The following SVIL variants were observed in gnomAD, a reference collection of about 807,000 sequenced individuals.
SVIL encodes the protein supervillin.
In SVIL, 101 loss-of-function variants were observed where a neutral mutation model predicts 240.4. That is an observed-to-expected ratio of 0.42 (90% CI 0.36 to 0.50). The LOEUF (loss-of-function observed/expected upper bound fraction) is 0.50. Among genes scored for constraint, SVIL ranks in the 20% least tolerant of loss-of-function variants. The probability of loss-of-function intolerance (pLI) is 0.01; values close to 1 mark genes in which losing one functional copy is unlikely to be tolerated. For missense variants in SVIL, 2,512 were observed against 2,818.7 expected, an observed-to-expected ratio of 0.89 and a Z score of 2.46; for synonymous variants, 999 against 1,100.0, an observed-to-expected ratio of 0.91 and a Z score of 1.82.
chr10:29,502,807 G>A (rs892085666), intron 17 of SVIL, among the ~76,000 whole-genome samples: 11 of 152,118 alleles, frequency 7.2e-5, no homozygotes, highest in African/African-American at 2.7e-4. Flanking sequence ...AAATCAGCAC[G>A]AATACTTTTA....
chr10:29,588,093 T>C (rs1207474237), intron 1 of SVIL, among the ~76,000 whole-genome samples: 1 of 151,808 alleles, frequency 6.6e-6, no homozygotes, highest in Non-Finnish European at 1.5e-5. Context: ...GGCCCCTTTG[T>C]CATTCAGAAG....
intron 3 of SVIL, among the ~76,000 whole-genome samples, chr10:29,647,718 G>A (rs919752691): frequency 6.6e-5 from 10 of 151,952 alleles, no homozygotes; most frequent in African/African-American, 2.4e-4. Flanking sequence ...GTCTTCCACA[G>A]CTTCTATTTC....
At chr10:29,529,597 C>T in intron 12 of SVIL, 108 bp downstream of exon 12, 1 of 1,328,108 alleles carries the variant, frequency 7.5e-7, no homozygotes, top group Non-Finnish European at 9.9e-7. Flanking sequence ...TCTGTGGCTT[C>T]TAGCTAAATC....
chr10:29,555,992 C>G (rs1269169460), intron 3 of SVIL, among the ~76,000 whole-genome samples: 1 of 152,190 alleles, frequency 6.6e-6, no homozygotes, highest in East Asian at 1.9e-4. Context: ...CAAATGTTAA[C>G]AATGGTTTCC....
intron 17 of SVIL, 143 bp downstream of exon 17, chr10:29,512,592 G>T: frequency 1.4e-6 from 2 of 1,395,416 alleles, no homozygotes; most frequent in Non-Finnish European, 2.0e-6. Flanking sequence ...GCTGCTCTGT[G>T]ACAGACTCTC....
At chr10:29,712,751 C>T (rs1201114544) in intron 1 of SVIL, among the ~76,000 whole-genome samples, 1 of 152,126 alleles carries the variant, frequency 6.6e-6, no homozygotes, top group Non-Finnish European at 1.5e-5. Flanking sequence ...CTGAGAAAAG[C>T]TGAAAGATGG....
At chr10:29,463,754 C>T (rs571624862) in intron 34 of SVIL, 119 bp from the exon 35 acceptor site, 4 of 1,412,452 alleles carry the variant, frequency 2.8e-6, no homozygotes, top group Admixed American at 2.5e-5. Context: ...AGGGGGAAAC[C>T]CCCTTGGCCA....
rs373054743 is a variant in SVIL, at chr10:29,523,705, T to C, written c.2909A>G (p.Glu970Gly). ...GATGGGGTAGGATGCTTCTGCTTCC[T>C]CAAAGGACCCATACTTCTCCATCCC... ...DSGMEKYGSF[E>G]EAEASYPILN... The change falls in exon 15 of 38, where the codon GAG becomes GGG. Residue 970 changes from glutamate (E) to glycine (G), a missense_variant. Physicochemically the swap from Glu to Gly is moderately conservative, Grantham distance 98 (BLOSUM62 -2). This residue lies in a region of SVIL where 1,443 missense variants were observed against 1,486.6 expected (regional missense o/e 0.97). Coordinates refer to ENST00000355867, the MANE Select transcript of SVIL (RefSeq NM_021738.3). 9.3e-6 allele frequency: 15 copies of C among 1,614,068 alleles called. No individual in the cohort carries two copies. The highest frequency in any genetic ancestry group is 1.1e-5 in the Non-Finnish European group (13 of 1,180,024).
At chr10:29,630,424 C>G (rs1186544666) in intron 1 of SVIL, among the ~76,000 whole-genome samples, 1 of 152,148 alleles carries the variant, frequency 6.6e-6, no homozygotes, top group Non-Finnish European at 1.5e-5. Context: ...TTCAAAACCT[C>G]CTACAATAGG....
intron 17 of SVIL, among the ~76,000 whole-genome samples, chr10:29,506,634 T>TGG (rs1949301472): frequency 7.0e-5 from 10 of 143,302 alleles, no homozygotes; most frequent in African/African-American, 2.3e-4. Context: ...ACAGAGGCCC[T>TGG]AGAGGGAGGG....
At chr10:29,555,186 T>C in intron 3 of SVIL, 78 bp from the exon 4 acceptor site, 1 of 1,334,642 alleles carries the variant, frequency 7.5e-7, no homozygotes, top group Non-Finnish European at 1.0e-6. Context: ...GCAACGTGTT[T>C]ATTGAACTGC....
chr10:29,648,973 C>T (rs368163813), intron 3 of SVIL, among the ~76,000 whole-genome samples: 14 of 152,058 alleles, frequency 9.2e-5, no homozygotes, highest in African/African-American at 2.9e-4. Flanking sequence ...CACCCGTCTA[C>T]ACACAAAAAA....
chr10:29,628,212 C>G (rs533183497), intron 1 of SVIL, among the ~76,000 whole-genome samples: 4 of 152,344 alleles, frequency 2.6e-5, no homozygotes, highest in African/African-American at 9.6e-5. Context: ...TAACCTACCT[C>G]TTAATTCAAC....
At chr10:29,609,716 G>A (rs992616554) in intron 1 of SVIL, among the ~76,000 whole-genome samples, 2 of 152,250 alleles carry the variant, frequency 1.3e-5, no homozygotes, top group Non-Finnish European at 2.9e-5. Flanking sequence ...TCCAGCCACA[G>A]CCTCAAAGGG....
intron 1 of SVIL, among the ~76,000 whole-genome samples, chr10:29,727,742 A>C (rs200492789): frequency 2.8e-4 from 6 of 21,674 alleles, no homozygotes; most frequent in Non-Finnish European, 6.9e-4. Context: ...CGTGAACACA[A>C]AAAAAAAAAA....
intron 22 of SVIL, among the ~76,000 whole-genome samples, chr10:29,488,996 A>G (rs534324821): frequency 3.0e-4 from 45 of 152,264 alleles, no homozygotes; most frequent in Non-Finnish European, 2.8e-4. Flanking sequence ...TGCTGTGCAG[A>G]GGGACAAGAA....
chr10:29,572,829 A>G (rs1192889659), intron 1 of SVIL, among the ~76,000 whole-genome samples: 1 of 152,016 alleles, frequency 6.6e-6, no homozygotes, highest in Non-Finnish European at 1.5e-5. Flanking sequence ...GAAATAATAT[A>G]CATGTTGACA....
chr10:29,719,088 A>G (rs537982934), intron 1 of SVIL, among the ~76,000 whole-genome samples: 107 of 152,318 alleles, frequency 7.0e-4, no homozygotes, highest in Non-Finnish European at 5.4e-4. Flanking sequence ...AGCCTGGATG[A>G]CAGAGTGTGA....
intron 3 of SVIL, among the ~76,000 whole-genome samples, chr10:29,557,605 A>T (rs1954056533): frequency 6.6e-6 from 1 of 152,216 alleles, no homozygotes; most frequent in Non-Finnish European, 1.5e-5. Flanking sequence ...AAGGCATTTT[A>T]AAAAAAGATT....
Sources: allele counts gnomAD v4.1 joint callset (sites outside exome capture counted in the v4.1 genomes callset), GRCh38; gene constraint gnomAD v4.1.1; regional missense constraint gnomAD v4.1.1; transcripts MANE v1.5; gene names NCBI Gene and HGNC (gene_info 2026-07-23, HGNC 2026-07-21).